Variants in SNRPN observed in about 807,000 individuals in gnomAD.
The protein encoded by SNRPN is small nuclear ribonucleoprotein-associated protein N.
In SNRPN, 7 loss-of-function variants were observed where a neutral mutation model predicts 25.2. The ratio of observed to expected loss-of-function variants is 0.28; its 90% confidence interval spans 0.16 to 0.52. The LOEUF (loss-of-function observed/expected upper bound fraction) is 0.52, where lower values mean the gene tolerates loss of function less well. Ranked by LOEUF, SNRPN falls within the 20% of genes least tolerant of loss-of-function variation. The pLI is 0.96. For synonymous variants in SNRPN, 124 were observed against 110.6 expected (o/e 1.12, Z -0.76); for missense variants, 196 against 322.5 (o/e 0.61, Z 3.00).
At position 24,944,127 on chromosome 15, in the gene SNRPN, A is replaced by T. The variant is rs1252021991; in HGVS notation, c.-390-17987A>T. On this transcript the variant is annotated intron_variant, in intron 3 of 11. Transcript: ENST00000400097. ...ATGAGCCACCACACCTGGCTGCATCATTGGTTCTTGCAGAATCATGTGACC... is the reference window on the plus strand; with the variant it reads ...ATGAGCCACCACACCTGGCTGCATCTTTGGTTCTTGCAGAATCATGTGACC... Among the ~76,000 whole-genome samples the T allele has an allele frequency of 3.3e-5, 5 of 152,302 alleles. No individual in the cohort carries two copies. The South Asian group carries it at 1.0e-3, about 32-fold the overall frequency.
chr15:24,881,564 G>GA (rs2056628808), intron 1 of SNRPN, among the ~76,000 whole-genome samples: 1 of 37,810 alleles, frequency 2.6e-5, no homozygotes, highest in Non-Finnish European at 6.0e-5. Context: ...AGGGAGGGAG[G>GA]GAGGGAGGGA....
At chr15:24,911,372 G>A (rs188493174) in intron 2 of SNRPN, among the ~76,000 whole-genome samples, 1 of 152,150 alleles carries the variant, frequency 6.6e-6, no homozygotes, top group African/African-American at 2.4e-5. Context: ...AGAGAGCACT[G>A]AGAATGCCAC....
chr15:24,888,107 A>C (rs1360737823), intron 2 of SNRPN, among the ~76,000 whole-genome samples: 1 of 135,626 alleles, frequency 7.4e-6, no homozygotes, highest in Non-Finnish European at 1.6e-5. Context: ...ATATATTAGA[A>C]ATGACTTTTT....
chr15:24,855,577 G>C (rs2053307753), upstream of SNRPN, among the ~76,000 whole-genome samples: 1 of 152,026 alleles, frequency 6.6e-6, no homozygotes, highest in Non-Finnish European at 1.5e-5. Context: ...ATCACGTGAG[G>C]TCAGAAGTTT....
chr15:24,950,083 A>G (rs118140203), upstream of SNRPN, among the ~76,000 whole-genome samples: 1,698 of 152,250 alleles, frequency 0.011, 20 homozygotes, highest in Non-Finnish European at 0.016. Context: ...TGGCTTCCAA[A>G]AGTGTTGGGA....
chr15:24,865,046 CTTT>C (rs35703226), intron 1 of SNRPN, among the ~76,000 whole-genome samples: 39,307 of 132,450 alleles, frequency 0.3, 5,423 homozygotes, highest in African/African-American at 0.42. Context: ...GGAGACTGAG[CTTT>C]TTTTTTTTTT....
intron 1 of SNRPN, among the ~76,000 whole-genome samples, chr15:24,958,486 GTTTTTTTTTTTTTTTTTTTTT>G (rs71127030): frequency 3.1e-5 from 2 of 65,284 alleles, no homozygotes; most frequent in African/African-American, 1.1e-4. Flanking sequence ...CTGGCTCAAA[GTTTTTTTTTTTTTTTTTTTTT>G]TTTTTTTTTT....
At chr15:24,925,999 G>A (rs1485493572) in intron 3 of SNRPN, among the ~76,000 whole-genome samples, 1 of 152,156 alleles carries the variant, frequency 6.6e-6, no homozygotes, top group Non-Finnish European at 1.5e-5. Context: ...CTCCCAAAGT[G>A]CTGGGATTAC....
At chr15:24,952,744 A>G (rs746201215), upstream of SNRPN, among the ~76,000 whole-genome samples, 1 of 152,196 alleles carries the variant, frequency 6.6e-6, no homozygotes, top group African/African-American at 2.4e-5. Flanking sequence ...TTTAATTTTA[A>G]TAATACTTTA....
rs1326162142 is a variant in SNRPN, at chr15:24,862,881, T to C, written c.-579+6165T>C. Among the ~76,000 whole-genome samples, 2 of 149,730 alleles carry C rather than the reference T, an allele frequency of 1.3e-5. 1 individual carries two copies. The highest frequency in any genetic ancestry group is 5.0e-5 in the African/African-American group (2 of 39,628). On this transcript the variant is annotated intron_variant, in intron 1 of 11. Coordinates refer to the SNRPN transcript ENST00000400097. ...AGTTCAGGGCATGAGATAAGGGCAG[T>C]GGGTTGGAAGGATCGCTGGGATGAA... is the stretch of plus-strand genomic sequence containing the variant.
intron 1 of SNRPN, among the ~76,000 whole-genome samples, chr15:24,880,223 G>A (rs1470272771): frequency 1.3e-5 from 2 of 152,146 alleles, no homozygotes; most frequent in Non-Finnish European, 2.9e-5. Context: ...ATGACAACAT[G>A]ATGGTCTGAG....
chr15:24,932,345 C>T (rs1007951427), intron 3 of SNRPN, among the ~76,000 whole-genome samples: 1 of 151,132 alleles, frequency 6.6e-6, no homozygotes, highest in African/African-American at 2.4e-5. Context: ...AGTGATTCTC[C>T]TGCCTCAGCC....
intron 1 of SNRPN, among the ~76,000 whole-genome samples, chr15:24,826,030 A>T (rs2050055614): frequency 6.6e-6 from 1 of 151,922 alleles, no homozygotes; most frequent in African/African-American, 2.4e-5. Context: ...TATCCTTGGG[A>T]TTGTTGCAAG....
chr15:24,973,761 C>T (rs559789754), intron 3 of SNRPN, among the ~76,000 whole-genome samples: 33 of 151,652 alleles, frequency 2.2e-4, no homozygotes, highest in Admixed American at 6.6e-4. Flanking sequence ...TTATGTGAGT[C>T]TATATATATA....
intron 1 of SNRPN, among the ~76,000 whole-genome samples, chr15:24,860,954 C>G (rs8042562): frequency 0.47 from 71,392 of 151,766 alleles, 17,334 homozygotes; most frequent in East Asian, 0.55. Flanking sequence ...TCCTTCATCT[C>G]TAATGGGCTG....
chr15:24,824,100 A>G (rs1304607957), intron 1 of SNRPN, among the ~76,000 whole-genome samples: 5 of 152,082 alleles, frequency 3.3e-5, no homozygotes, highest in Non-Finnish European at 5.9e-5. Flanking sequence ...TCTCTGTTTT[A>G]GTGTTTTCCA....
intron 3 of SNRPN, among the ~76,000 whole-genome samples, chr15:24,943,818 T>C (rs1021086983): frequency 2.2e-4 from 34 of 152,142 alleles, no homozygotes; most frequent in African/African-American, 8.2e-4. Context: ...TGGTTCTTTT[T>C]TTTTTAATTT....
At chr15:24,923,950 A>ATTT (rs2060215931) in intron 3 of SNRPN, among the ~76,000 whole-genome samples, 1 of 62,998 alleles carries the variant, frequency 1.6e-5, no homozygotes, top group African/African-American at 6.5e-5. Flanking sequence ...TTTTTTTTTG[A>ATTT]GATGGAGTCT....
At chr15:24,835,136 ATATATACTAT>A (rs2051037481) in intron 2 of SNRPN, among the ~76,000 whole-genome samples, 2 of 63,518 alleles carry the variant, frequency 3.1e-5, no homozygotes, top group Non-Finnish European at 6.4e-5. Flanking sequence ...ATATATAGAT[ATATATACTAT>A]ATATAAAATA....
Sources: gnomAD v4.1 joint callset for allele counts (sites outside exome capture counted in the v4.1 genomes callset) on GRCh38, gnomAD v4.1.1 for gene constraint, MANE v1.5 for transcripts, NCBI Gene and HGNC (gene_info 2026-07-23, HGNC 2026-07-21) for gene names.